The following GRIK3 variants were observed in gnomAD, a reference collection of about 807,000 sequenced individuals.
The protein encoded by GRIK3 is glutamate ionotropic receptor kainate type subunit 3, also known as glutamate receptor ionotropic, kainate 3.
Under a neutral mutation model 102.5 loss-of-function variants are expected in GRIK3, and 29 were observed. The ratio of observed to expected loss-of-function variants is 0.28; its 90% CI spans 0.21 to 0.39. The LOEUF (loss-of-function observed/expected upper bound fraction) is 0.39. Ranked by LOEUF, GRIK3 falls within the 10% of genes least tolerant of loss-of-function variation. GRIK3 has a pLI of 1.00. For synonymous variants in GRIK3, 511 were observed against 504.9 expected, an observed-to-expected ratio of 1.01 and a Z score of -0.16; for missense variants, 908 against 1,252.4, an observed-to-expected ratio of 0.73 and a Z score of 4.15.
At chr1:36,979,786 A>G (rs1002973231) in intron 1 of GRIK3, among the ~76,000 whole-genome samples, 2 of 152,250 alleles carry the variant, frequency 1.3e-5, no homozygotes, top group Non-Finnish European at 2.9e-5. Flanking sequence ...CACAGAAGCC[A>G]CAGATTGCAG....
chr1:36,999,884 C>A (rs1282529383), intron 1 of GRIK3, among the ~76,000 whole-genome samples: 3 of 152,150 alleles, frequency 2.0e-5, no homozygotes, highest in Non-Finnish European at 2.9e-5. Flanking sequence ...GTAATCCCAG[C>A]TACTTGGGAG....
chr1:36,864,110 G>T (rs896557733), intron 5 of GRIK3, among the ~76,000 whole-genome samples: 3 of 152,140 alleles, frequency 2.0e-5, no homozygotes, highest in Non-Finnish European at 4.4e-5. Flanking sequence ...TATTATAATA[G>T]TTCTTTTTTC....
At chr1:36,834,776 T>A (rs1045454116) in intron 10 of GRIK3, among the ~76,000 whole-genome samples, 5 of 152,200 alleles carry the variant, frequency 3.3e-5, no homozygotes, top group Non-Finnish European at 5.9e-5. Context: ...AAGGGTGCTG[T>A]CTGTCCAGGG....
At chr1:37,001,530 C>T (rs1642475945) in intron 1 of GRIK3, among the ~76,000 whole-genome samples, 1 of 152,042 alleles carries the variant, frequency 6.6e-6, no homozygotes, top group South Asian at 2.1e-4. Context: ...GTAAGGAAAT[C>T]TTCCAGGCTA....
intron 1 of GRIK3, among the ~76,000 whole-genome samples, chr1:36,927,775 A>G (rs1209085933): frequency 2.6e-5 from 4 of 152,260 alleles, no homozygotes; most frequent in South Asian, 4.2e-4. Flanking sequence ...ATAGATTTCA[A>G]CAGGTTCCGA....
intron 5 of GRIK3, among the ~76,000 whole-genome samples, chr1:36,860,454 A>G (rs1256036285): frequency 1.3e-5 from 2 of 152,234 alleles, no homozygotes; most frequent in African/African-American, 4.8e-5. Flanking sequence ...AGAAGAGGAT[A>G]TTTAAAAATA....
chr1:36,851,402 C>T (rs939311892), intron 8 of GRIK3, among the ~76,000 whole-genome samples: 3 of 152,228 alleles, frequency 2.0e-5, no homozygotes, highest in African/African-American at 7.2e-5. Context: ...GGGATCCCTG[C>T]CTACATAGAC....
intron 1 of GRIK3, among the ~76,000 whole-genome samples, chr1:36,968,058 C>T (rs1472449034): frequency 6.6e-6 from 1 of 152,170 alleles, no homozygotes; most frequent in African/African-American, 2.4e-5. Context: ...CACTGGGGTT[C>T]TGTGATGGTG....
intron 1 of GRIK3, among the ~76,000 whole-genome samples, chr1:36,992,166 T>A (rs965386386): frequency 3.3e-5 from 5 of 152,222 alleles, no homozygotes; most frequent in Non-Finnish European, 5.9e-5. Context: ...CGATGCCATC[T>A]TCCGCCCTTC....
intron 1 of GRIK3, among the ~76,000 whole-genome samples, chr1:36,998,196 C>T (rs1029351179): frequency 4.6e-5 from 7 of 152,214 alleles, no homozygotes; most frequent in Non-Finnish European, 8.8e-5. Context: ...TAATCTGATC[C>T]ATATTTGGGG....
At chr1:37,016,756 T>G (rs1295872972) in intron 1 of GRIK3, among the ~76,000 whole-genome samples, 1 of 152,162 alleles carries the variant, frequency 6.6e-6, no homozygotes, top group Non-Finnish European at 1.5e-5. Context: ...CAAAATTTCA[T>G]ATGAAACGTC....
chr1:36,952,081 T>A (rs186107045), intron 1 of GRIK3, among the ~76,000 whole-genome samples: 5 of 152,000 alleles, frequency 3.3e-5, no homozygotes, highest in African/African-American at 1.2e-4. Context: ...AGCAAGGGAA[T>A]GTGATTTTCC....
intron 1 of GRIK3, among the ~76,000 whole-genome samples, chr1:36,916,084 T>C (rs1641395941): frequency 6.6e-6 from 1 of 152,176 alleles, no homozygotes; most frequent in Non-Finnish European, 1.5e-5. Flanking sequence ...TTCAGGCTGA[T>C]GTGATCTCAG....
chr1:36,969,054 T>C (rs1642112851), intron 1 of GRIK3, among the ~76,000 whole-genome samples: 1 of 152,184 alleles, frequency 6.6e-6, no homozygotes, highest in Non-Finnish European at 1.5e-5. Flanking sequence ...CCACCCTCTC[T>C]TCCCCCAAAT....
intron 3 of GRIK3, among the ~76,000 whole-genome samples, chr1:36,879,625 G>A (rs932725659): frequency 6.6e-6 from 1 of 152,228 alleles, no homozygotes; most frequent in African/African-American, 2.4e-5. Context: ...GGACTTGAGA[G>A]GCAGGGGGTA....
At chr1:36,924,262 T>C (rs1204760287) in intron 1 of GRIK3, among the ~76,000 whole-genome samples, 1 of 152,178 alleles carries the variant, frequency 6.6e-6, no homozygotes, top group Admixed American at 6.5e-5. Context: ...CCACTAGGGT[T>C]TCCCTTGATG....
chr1:36,951,979 A>T (rs919969499), intron 1 of GRIK3, among the ~76,000 whole-genome samples: 2 of 152,116 alleles, frequency 1.3e-5, no homozygotes, highest in Non-Finnish European at 2.9e-5. Flanking sequence ...AGGAGCATCG[A>T]AGGGAAATGA....
intron 1 of GRIK3, among the ~76,000 whole-genome samples, chr1:36,998,673 A>G (rs1642443850): frequency 6.6e-6 from 1 of 152,184 alleles, no homozygotes; most frequent in African/African-American, 2.4e-5. Flanking sequence ...TCCATTTTAT[A>G]GAAGAGGAAC....
chr1:36,860,446 A>T (rs78529108), intron 5 of GRIK3, among the ~76,000 whole-genome samples: 5,376 of 152,272 alleles, frequency 0.035, 336 homozygotes, highest in African/African-American at 0.12. Flanking sequence ...TATCCCCTAG[A>T]AGAGGATATT....
Sources: gnomAD v4.1 joint callset for allele counts (sites outside exome capture counted in the v4.1 genomes callset) on GRCh38, gnomAD v4.1.1 for gene constraint, MANE v1.5 for transcripts, NCBI Gene and HGNC (gene_info 2026-07-23, HGNC 2026-07-21) for gene names.